PYGB: variants seen among roughly 807,000 people sequenced by gnomAD.
The protein encoded by PYGB is glycogen phosphorylase B.
In PYGB, 82 loss-of-function variants were observed where a neutral mutation model predicts 94.3. That is an observed-to-expected ratio of 0.87 (90% CI 0.73 to 1.04). PYGB has a LOEUF of 1.04. PYGB is among the 50% of genes least tolerant of loss of function. The probability of loss-of-function intolerance (pLI) is 0.00; values close to 1 mark genes in which losing one functional copy is unlikely to be tolerated. For synonymous variants in PYGB, 488 were observed against 479.1 expected, an observed-to-expected ratio of 1.02 and a Z score of -0.24; for missense variants, 1,132 against 1,158.2, an observed-to-expected ratio of 0.98 and a Z score of 0.33.
chr20:25,263,721 A>T (rs1016202463), intron 2 of PYGB, among the ~76,000 whole-genome samples: 8 of 152,232 alleles, frequency 5.3e-5, no homozygotes, highest in Admixed American at 2.6e-4. Flanking sequence ...CCCTCCCAAG[A>T]CTAAACCAGG....
At chr20:25,284,665 A>G (rs533800427) in intron 14 of PYGB, among the ~76,000 whole-genome samples, 1 of 152,294 alleles carries the variant, frequency 6.6e-6, no homozygotes, top group African/African-American at 2.4e-5. Context: ...GCCTCAAGTG[A>G]TCTACCCACT....
At position 25,295,593 on chromosome 20, in the gene PYGB, T is replaced by A. The variant is rs778053218; in HGVS notation, c.2313-11T>A. The A allele has an allele frequency of 6.2e-7, 1 of 1,613,092 alleles. No individual in the cohort carries two copies. Among genetic ancestry groups the A allele is most frequent in the South Asian group, 1.1e-5 (1 of 91,064 alleles). On this transcript the variant is annotated splice_polypyrimidine_tract_variant and intron_variant, in intron 18 of 19. Transcript: ENST00000216962. ...TGCTGCCCTGGCCCAGCCTCCTTTC[T>A]CCCATTCCAGGTTCAAGGTGTTTGC...
rs200492054 is a variant in PYGB at position 25,278,369 on chromosome 20, C to T, written c.906C>T (p.Ala302=). 6.5e-5 allele frequency: 105 copies of T among 1,614,130 alleles called. No homozygotes were observed. The Middle Eastern group carries it at 1.2e-3, about 18-fold the overall frequency. Residue 302 remains alanine, a synonymous_variant, in exon 8 of 20, where the codon GCC becomes GCT. Transcript: ENST00000216962. The stretch of plus-strand genomic sequence containing the variant: ...TGAAGCAGGAGTACTTCGTGGTGGC[C>T]GCCACGCTCCAGGACATCATCCGCC... ...LRLKQEYFVV[A]ATLQDIIRRF...
chr20:25,263,752 A>T (rs2092918607), intron 2 of PYGB, among the ~76,000 whole-genome samples: 1 of 152,214 alleles, frequency 6.6e-6, no homozygotes, highest in Non-Finnish European at 1.5e-5. Context: ...ATTCCTGAAT[A>T]GACCAATAAC....
chr20:25,254,926 G>C (rs1003626500), intron 1 of PYGB, among the ~76,000 whole-genome samples: 1 of 152,166 alleles, frequency 6.6e-6, no homozygotes, highest in African/African-American at 2.4e-5. Context: ...AAGTTCTAAA[G>C]TTCTATAATT....
chr20:25,278,945 G>C, intron 8 of PYGB, 112 bp from the exon 9 acceptor site: 1 of 1,006,432 alleles, frequency 9.9e-7, no homozygotes, highest in African/African-American at 1.6e-5. Context: ...AGGCTTCTCG[G>C]GGGTGGGGTG....
chr20:25,268,171 C>A (rs1405343634), intron 2 of PYGB, among the ~76,000 whole-genome samples: 1 of 121,600 alleles, frequency 8.2e-6, no homozygotes, highest in African/African-American at 3.0e-5. Flanking sequence ...GCCCCCCCCC[C>A]ATATCCAAAA....
chr20:25,269,023 A>G (rs947804424), intron 2 of PYGB, 106 bp from the exon 3 acceptor site: 1 of 958,258 alleles, frequency 1.0e-6, no homozygotes, highest in African/African-American at 1.6e-5. Flanking sequence ...CAGAACCCAG[A>G]CTCTAACTTT....
intron 13 of PYGB, 138 bp downstream of exon 13, chr20:25,283,415 C>T (rs2088387452): frequency 2.8e-6 from 2 of 723,288 alleles, no homozygotes; most frequent in Non-Finnish European, 4.5e-6. Context: ...CAGAACAGGA[C>T]TGAGGGTGAG....
intron 13 of PYGB, 22 bp downstream of exon 13, chr20:25,283,299 G>T (rs1357448751): frequency 6.3e-7 from 1 of 1,596,268 alleles, no homozygotes. Context: ...CCTGGCCCCA[G>T]CCCCGACCCC....
intron 15 of PYGB, among the ~76,000 whole-genome samples, chr20:25,288,764 C>T (rs558632096): frequency 5.3e-5 from 8 of 152,290 alleles, no homozygotes; most frequent in Admixed American, 2.0e-4. Context: ...AGTGTCCTTT[C>T]TCTTTGTGCC....
chr20:25,276,090 G>A (rs531509644), intron 5 of PYGB, among the ~76,000 whole-genome samples: 42 of 152,322 alleles, frequency 2.8e-4, no homozygotes, highest in Admixed American at 9.1e-4. Flanking sequence ...GGCTTGTCAA[G>A]GAGAGAGGGA....
intron 18 of PYGB, 30 bp downstream of exon 18, chr20:25,294,322 G>T (rs372745458): frequency 6.7e-6 from 9 of 1,350,244 alleles, no homozygotes; most frequent in Non-Finnish European, 9.1e-6. Flanking sequence ...TTGGGTGGCT[G>T]GGAGGGAGGG....
At chr20:25,274,155 C>G (rs993888274) in intron 4 of PYGB, among the ~76,000 whole-genome samples, 1 of 152,226 alleles carries the variant, frequency 6.6e-6, no homozygotes, top group Non-Finnish European at 1.5e-5. Flanking sequence ...CAGAAAGAAG[C>G]CCTGCACCAA....
At chr20:25,292,116 G>T (rs1235337467) in intron 16 of PYGB, among the ~76,000 whole-genome samples, 1 of 152,178 alleles carries the variant, frequency 6.6e-6, no homozygotes, top group Non-Finnish European at 1.5e-5. Flanking sequence ...CCTGGTTTTG[G>T]GGAAGGTTTT....
chr20:25,295,903 C>T (rs1291806041), intron 19 of PYGB, among the ~76,000 whole-genome samples: 2 of 152,220 alleles, frequency 1.3e-5, no homozygotes, highest in Non-Finnish European at 2.9e-5. Flanking sequence ...GAATGTGCGG[C>T]CTGGAAACTG....
At chr20:25,292,806 C>T (rs990658523) in intron 17 of PYGB, among the ~76,000 whole-genome samples, 193 bp downstream of exon 17, 8 of 152,092 alleles carry the variant, frequency 5.3e-5, no homozygotes, top group Non-Finnish European at 7.3e-5. Flanking sequence ...GTCCGGGCTG[C>T]GGGCGAGGCC....
intron 16 of PYGB, among the ~76,000 whole-genome samples, chr20:25,291,071 C>T (rs143893383): frequency 6.8e-4 from 103 of 151,700 alleles, no homozygotes; most frequent in African/African-American, 2.4e-3. Flanking sequence ...GGACATGCAC[C>T]AGGCCAGTGG....
chr20:25,259,456 A>G, intron 2 of PYGB, 118 bp downstream of exon 2: 1 of 751,972 alleles, frequency 1.3e-6, no homozygotes, highest in Non-Finnish European at 2.1e-6. Context: ...GGGAATCGGG[A>G]GATTTACGGC....
Sources: gnomAD v4.1 joint callset for allele counts (sites outside exome capture counted in the v4.1 genomes callset) on GRCh38, gnomAD v4.1.1 for gene constraint, MANE v1.5 for transcripts, NCBI Gene and HGNC (gene_info 2026-07-23, HGNC 2026-07-21) for gene names.